The following CASZ1 variants were observed in gnomAD, a reference collection of about 807,000 sequenced individuals.
The protein encoded by CASZ1 is zinc finger protein castor homolog 1.
Under a neutral mutation model 135.2 loss-of-function variants are expected in CASZ1, and 28 were observed. That is an observed-to-expected ratio of 0.21 (90% CI 0.15 to 0.28). The LOEUF is 0.28. CASZ1 is among the 10% of genes least tolerant of loss of function. The pLI, the probability that CASZ1 is intolerant of heterozygous loss-of-function variation, is 1.00. For synonymous variants in CASZ1, 1,068 were observed against 1,073.4 expected (o/e 0.99, Z 0.10); for missense variants, 2,161 against 2,453.3 (o/e 0.88, Z 2.52).
Position 10,776,319 on chromosome 1 carries a change from A to G in CASZ1, c.-233-15462T>C, listed in dbSNP as rs961385283. The stretch of plus-strand genomic sequence containing the variant: ...CTTAATCTCCATAGTAGTGGCTTCA[A>G]AATCATTCCTCCCAGGCTCTGCCCT... On this transcript the variant is annotated intron_variant, in intron 1 of 20. Transcript: ENST00000377022. The surrounding 1 kb of genome is among the most constrained non-coding windows in gnomAD (Gnocchi z 4.1). Among the ~76,000 whole-genome samples the G allele has an allele frequency of 1.3e-4, 20 of 152,204 alleles. No homozygotes were observed. Among genetic ancestry groups the G allele is most frequent in the Admixed American group, 3.3e-4 (5 of 15,284 alleles).
At chr1:10,751,879 C>G (rs1640157700) in intron 2 of CASZ1, among the ~76,000 whole-genome samples, 1 of 152,212 alleles carries the variant, frequency 6.6e-6, no homozygotes, top group Non-Finnish European at 1.5e-5. Flanking sequence ...CACTGCCCGC[C>G]TGGCATCAAG....
At position 10,719,118 on chromosome 1, in the gene CASZ1, A is replaced by G. The variant is rs879432228; in HGVS notation, c.-76-13574T>C. Among the ~76,000 whole-genome samples the G allele has an allele frequency of 3.3e-5, 5 of 151,914 alleles. No individual in the cohort carries two copies. The highest frequency in any genetic ancestry group is 7.4e-5 in the Non-Finnish European group (5 of 67,978). ...TTTAGTGGAGGTGGGGTTTCCAACCATGTTGGCCAGACTAGTCTCGAACTC... is the reference window on the plus strand; with the variant it reads ...TTTAGTGGAGGTGGGGTTTCCAACCGTGTTGGCCAGACTAGTCTCGAACTC... On this transcript the variant is annotated intron_variant, in intron 2 of 20. Coordinates refer to ENST00000377022, the MANE Select transcript of CASZ1 (RefSeq NM_001079843.3). This position sits in a 1 kb window ranked among gnomAD's most constrained non-coding sequence, Gnocchi z 4.0.
chr1:10,691,373 T>A (rs1638762997), intron 4 of CASZ1, among the ~76,000 whole-genome samples: 1 of 152,110 alleles, frequency 6.6e-6, no homozygotes, highest in Non-Finnish European at 1.5e-5. Context: ...GGTCCTGAGG[T>A]CCTTCTGTCC....
chr1:10,755,611 C>CG lies in CASZ1; in HGVS notation c.-77+5089dup, dbSNP rs966839796. Among the ~76,000 whole-genome samples, 22 of 152,130 alleles carry CG rather than the reference C, an allele frequency of 1.4e-4. No homozygotes were observed. The highest frequency in any genetic ancestry group is 4.3e-4 in the African/African-American group (18 of 41,512). ...CCTGGGGCCCGTGCATGGCGAGATG[C>CG]GGGGTTTTCCTGCATCTGCTCCGAA... On this transcript the variant is annotated intron_variant, in intron 2 of 20. Coordinates refer to ENST00000377022, the MANE Select transcript of CASZ1 (RefSeq NM_001079843.3). The surrounding 1 kb of genome is among the most constrained non-coding windows in gnomAD (Gnocchi z 4.3).
chr1:10,764,211 A>G (rs1341678108), intron 1 of CASZ1, among the ~76,000 whole-genome samples: 1 of 152,120 alleles, frequency 6.6e-6, no homozygotes, highest in East Asian at 1.9e-4. Context: ...CCCAAGCCTC[A>G]ATCTGTGCCT....
chr1:10,727,915 T>C lies in CASZ1; in HGVS notation c.-76-22371A>G, dbSNP rs1170260720. ...TCAGGCTTGCCATGCCCCGGCACCA[T>C]GCCAACACGTGGAAGGTTGAACTAA... is the stretch of plus-strand genomic sequence containing the variant. On this transcript the variant is annotated intron_variant, in intron 2 of 20. Transcript: ENST00000377022. This position sits in a 1 kb window ranked among gnomAD's most constrained non-coding sequence, Gnocchi z 5.3. Among the ~76,000 whole-genome samples, 1 of 152,218 alleles carries C rather than the reference T, an allele frequency of 6.6e-6. No homozygotes were observed. Among genetic ancestry groups the C allele is most frequent in the African/African-American group, 2.4e-5 (1 of 41,464 alleles).
rs1377635065 is a variant in CASZ1 at position 10,721,612 on chromosome 1, G to T, written c.-76-16068C>A. 6.6e-6 allele frequency among the ~76,000 whole-genome samples: 1 copy of T among 152,220 alleles called. No individual in the cohort carries two copies. Among genetic ancestry groups the T allele is most frequent in the African/African-American group, 2.4e-5 (1 of 41,468 alleles). Reference sequence around the variant, plus strand: ...GGCTACCTGCCAGCGTGGCCCCCTTGCCATCAGAGCCCACGGGGGGCTGGA... The same window carrying T: ...GGCTACCTGCCAGCGTGGCCCCCTTTCCATCAGAGCCCACGGGGGGCTGGA... On this transcript the variant is annotated intron_variant, in intron 2 of 20. Coordinates refer to ENST00000377022, the MANE Select transcript of CASZ1 (RefSeq NM_001079843.3). The surrounding 1 kb of genome is among the most constrained non-coding windows in gnomAD (Gnocchi z 5.4).
Position 10,653,926 on chromosome 1 carries a change from C to A in CASZ1, c.2131G>T (p.Gly711Cys), listed in dbSNP as rs746872969. Residue 711 changes from glycine to cysteine, a missense_variant, in exon 11 of 21, where the codon GGC becomes TGC. This residue lies in a region of CASZ1 where 248 missense variants were observed against 410.8 expected (regional missense o/e 0.60). Transcript: ENST00000377022. ...GALGLPPSLL[G>C]AKDTEHEESS... ...TCCTCGTGCTCCGTGTCCTTGGCGC[C>A]CAGCAGCGAGGGCGGCAGCCCCAGC... 1 of 1,613,548 alleles carries A rather than the reference C, an allele frequency of 6.2e-7. No individual in the cohort carries two copies. The highest frequency in any genetic ancestry group is 2.2e-5 in the East Asian group (1 of 44,860).
At chr1:10,677,736 C>T (rs914308608) in intron 4 of CASZ1, among the ~76,000 whole-genome samples, 10 of 152,244 alleles carry the variant, frequency 6.6e-5, no homozygotes, top group African/African-American at 2.2e-4. Context: ...TCCAATGCTA[C>T]ACATTTCTGT....
intron 11 of CASZ1, chr1:10,652,409 G>A (rs1046698363): frequency 3.3e-5 from 5 of 152,400 alleles, no homozygotes; most frequent in East Asian, 1.9e-4. Context: ...CCCAGCACCC[G>A]GCTTGGAGCC....
rs961253564 is a variant in CASZ1, at chr1:10,727,456, C to G, written c.-76-21912G>C. On this transcript the variant is annotated intron_variant, in intron 2 of 20. Coordinates refer to ENST00000377022, the MANE Select transcript of CASZ1 (RefSeq NM_001079843.3). This position sits in a 1 kb window ranked among gnomAD's most constrained non-coding sequence, Gnocchi z 5.3. The stretch of plus-strand genomic sequence containing the variant: ...CAAACACCCCAGCTCCTTGAACCCC[C>G]GGGCCCAGGGGATTCAGCACAGCCC... 6.6e-6 allele frequency among the ~76,000 whole-genome samples: 1 copy of G among 152,002 alleles called. No individual in the cohort carries two copies. Among genetic ancestry groups the G allele is most frequent in the Non-Finnish European group, 1.5e-5 (1 of 67,976 alleles).
chr1:10,750,112 C>G (rs2100553592), intron 2 of CASZ1, among the ~76,000 whole-genome samples: 1 of 152,238 alleles, frequency 6.6e-6, no homozygotes, highest in South Asian at 2.1e-4. Context: ...AGGCCAGAGC[C>G]ATGGCTCTGA....
In CASZ1 at chr1:10,769,664, G is replaced by A. The variant is rs372975397; in HGVS notation, c.-233-8807C>T. Among the ~76,000 whole-genome samples, 18 of 152,078 alleles carry A rather than the reference G, an allele frequency of 1.2e-4. No homozygotes were observed. The South Asian group carries it at 1.9e-3, about 16-fold the overall frequency. On this transcript the variant is annotated intron_variant, in intron 1 of 20. Transcript: ENST00000377022. ...CCCGAATAGCTGGGATTACAGGTGC[G>A]CACCACCACACCCGGCTAATTTTTG...
chr1:10,640,443 C>T (rs966107253), intron 20 of CASZ1, among the ~76,000 whole-genome samples: 2 of 152,216 alleles, frequency 1.3e-5, no homozygotes, highest in Middle Eastern at 3.2e-3. Flanking sequence ...CCAAGTTGGA[C>T]TCGGGCCAAG....
chr1:10,654,463 G>A lies in CASZ1; in HGVS notation c.1794C>T (p.Ala598=), dbSNP rs913425526. Residue 598 remains alanine, a synonymous_variant, in exon 10 of 21, where the codon GCC becomes GCT. Coordinates refer to ENST00000377022, the MANE Select transcript of CASZ1 (RefSeq NM_001079843.3). The stretch of plus-strand genomic sequence containing the variant: ...TCTTCTGTCCGTAGAACTGGCAGTC[G>A]GCTGTGCCACAGTCTTCGGTGGCTC... ...RFRATEDCGT[A]DCQFYGQKTT... The A allele has an allele frequency of 2.5e-6, 4 of 1,614,206 alleles. No individual in the cohort carries two copies. Among genetic ancestry groups the A allele is most frequent in the Non-Finnish European group, 3.4e-6 (4 of 1,180,038 alleles).
intron 4 of CASZ1, among the ~76,000 whole-genome samples, chr1:10,693,037 T>A (rs59304342): frequency 0.05 from 7,639 of 152,180 alleles, 241 homozygotes; most frequent in Middle Eastern, 0.12. Context: ...GCAAAAACAC[T>A]GGAAAGAATT....
At chr1:10,693,968 C>A in intron 3 of CASZ1, 56 bp from the exon 4 acceptor site, 1 of 1,542,206 alleles carries the variant, frequency 6.5e-7, no homozygotes, top group Non-Finnish European at 8.9e-7. Flanking sequence ...GGGTTAGCGT[C>A]TCGCGGGACC....
intron 4 of CASZ1, among the ~76,000 whole-genome samples, chr1:10,691,179 G>C (rs1638756440): frequency 7.2e-6 from 1 of 139,114 alleles, no homozygotes; most frequent in Non-Finnish European, 1.5e-5. Flanking sequence ...CATTTGATTT[G>C]CATAACCCAA....
chr1:10,673,978 C>T (rs1188624774), intron 4 of CASZ1, among the ~76,000 whole-genome samples: 1 of 152,226 alleles, frequency 6.6e-6, no homozygotes, highest in Non-Finnish European at 1.5e-5. Context: ...TCATCCCTGC[C>T]ACCGCAGTGC....
Sources: allele counts gnomAD v4.1 joint callset (sites outside exome capture counted in the v4.1 genomes callset), GRCh38; gene constraint gnomAD v4.1.1; regional missense constraint gnomAD v4.1.1; non-coding constraint Gnocchi (gnomAD v3.1); transcripts MANE v1.5; gene names NCBI Gene and HGNC (gene_info 2026-07-23, HGNC 2026-07-21).